The following PDE7B variants were observed in gnomAD, a reference collection of about 807,000 sequenced individuals.
PDE7B encodes the protein phosphodiesterase 7B.
PDE7B carries 29 observed loss-of-function variants against 56.2 expected under a neutral mutation model. That is an observed-to-expected ratio of 0.52 (90% CI 0.38 to 0.70). The LOEUF (loss-of-function observed/expected upper bound fraction) is 0.70. PDE7B is among the 30% of genes least tolerant of loss of function. The probability of loss-of-function intolerance (pLI) is 0.00; values close to 1 mark genes in which losing one functional copy is unlikely to be tolerated. For synonymous variants in PDE7B, 197 were observed against 196.9 expected, an observed-to-expected ratio of 1.00 and a Z score of 0.00; for missense variants, 490 against 565.0, an observed-to-expected ratio of 0.87 and a Z score of 1.35.
In PDE7B at chr6:135,998,528, G is replaced by A. The variant is rs546335938; in HGVS notation, c.82+51004G>A. Among the ~76,000 whole-genome samples, 124 of 145,992 alleles carry A rather than the reference G, an allele frequency of 8.5e-4. 1 individual carries two copies. Among genetic ancestry groups the A allele is most frequent in the African/African-American group, 2.9e-3 (115 of 39,702 alleles). Reference sequence around the variant, plus strand: ...TCCCAGCACTTTGGGAGGCCGAGGCGGGCAGATCACGAGGTCAGGAGATCG... The same window carrying A: ...TCCCAGCACTTTGGGAGGCCGAGGCAGGCAGATCACGAGGTCAGGAGATCG... On this transcript the variant is annotated intron_variant, in intron 2 of 12. Transcript: ENST00000308191.
At chr6:135,951,208 CT>C (rs769861245) in intron 2 of PDE7B, among the ~76,000 whole-genome samples, 1 of 151,542 alleles carries the variant, frequency 6.6e-6, no homozygotes, top group Non-Finnish European at 1.5e-5. Flanking sequence ...CTGTCCTCCC[CT>C]CTCCACCTTC....
intron 2 of PDE7B, among the ~76,000 whole-genome samples, chr6:135,970,879 T>C (rs1244982954): frequency 6.6e-6 from 1 of 151,924 alleles, no homozygotes; most frequent in Non-Finnish European, 1.5e-5. Flanking sequence ...TGCCAATGAA[T>C]TGGAGGTAGT....
At chr6:136,165,791 A>G (rs1353272774) in intron 8 of PDE7B, 1 of 152,228 alleles carries the variant, frequency 6.6e-6, no homozygotes, top group Non-Finnish European at 1.5e-5. Flanking sequence ...CATTTAGTAG[A>G]TCAGAACTTC....
intron 2 of PDE7B, among the ~76,000 whole-genome samples, chr6:136,042,239 G>A (rs1231122731): frequency 1.3e-5 from 2 of 152,230 alleles, no homozygotes; most frequent in African/African-American, 4.8e-5. Context: ...CATGTGGGGA[G>A]TGGGGAGAAG....
intron 3 of PDE7B, among the ~76,000 whole-genome samples, chr6:136,117,378 C>T (rs17065278): frequency 6.4e-4 from 97 of 152,188 alleles, no homozygotes; most frequent in East Asian, 5.8e-3. Context: ...CCACCTTCAA[C>T]GTTTCAGAAT....
At chr6:136,036,078 T>A (rs753691872) in intron 2 of PDE7B, among the ~76,000 whole-genome samples, 2 of 152,192 alleles carry the variant, frequency 1.3e-5, no homozygotes, top group East Asian at 1.9e-4. Context: ...TCAGGAAATA[T>A]GATAATAAAG....
At chr6:136,040,301 G>A (rs1278757266) in intron 2 of PDE7B, among the ~76,000 whole-genome samples, 1 of 152,152 alleles carries the variant, frequency 6.6e-6, no homozygotes, top group East Asian at 1.9e-4. Context: ...TCTTCCTCCT[G>A]TGCCTCCTCA....
chr6:136,191,781 G>C lies in PDE7B; in HGVS notation c.1294G>C (p.Asp432His). The C allele has an allele frequency of 6.4e-7, 1 of 1,573,162 alleles. No homozygotes were observed. The highest frequency in any genetic ancestry group is 8.6e-7 in the Non-Finnish European group (1 of 1,159,922). The change falls in exon 13 of 13, where the codon GAC becomes CAC. Residue 432 changes from aspartate (D) to histidine (H), a missense_variant. Physicochemically the swap from Asp to His is moderately conservative, Grantham distance 81. Transcript: ENST00000308191. ...RSRGSSGSGP[D>H]HDHAGQGTES... ...CAGGGGCAGCAGTGGCAGCGGGCCT[G>C]ACCACGACCACGCAGGCCAAGGGAC...
chr6:135,931,944 C>CAG (rs1227349554), intron 1 of PDE7B, among the ~76,000 whole-genome samples: 11 of 54,576 alleles, frequency 2.0e-4, no homozygotes, highest in East Asian at 1.5e-3. Context: ...CGCACACACA[C>CAG]ACGCGCGCGC....
intron 1 of PDE7B, among the ~76,000 whole-genome samples, chr6:135,912,986 G>A (rs1776238181): frequency 6.6e-6 from 1 of 151,970 alleles, no homozygotes; most frequent in Admixed American, 6.5e-5. Context: ...GAACATCCTG[G>A]GCAAAGCAGG....
chr6:135,997,138 C>A (rs933966531), intron 2 of PDE7B, among the ~76,000 whole-genome samples: 4 of 151,868 alleles, frequency 2.6e-5, no homozygotes, highest in Non-Finnish European at 4.4e-5. Flanking sequence ...AAGAAGCAGG[C>A]TGGGCACAAT....
chr6:136,065,293 C>A (rs1427183440), intron 2 of PDE7B, among the ~76,000 whole-genome samples: 1 of 152,134 alleles, frequency 6.6e-6, no homozygotes, highest in Non-Finnish European at 1.5e-5. Context: ...ACAAAACCAC[C>A]TTTGAGGCTA....
At chr6:135,901,229 A>G (rs148941555) in intron 1 of PDE7B, among the ~76,000 whole-genome samples, 307 of 152,308 alleles carry the variant, frequency 2.0e-3, no homozygotes, top group Non-Finnish European at 3.5e-3. Flanking sequence ...GGCTTCTCCT[A>G]TGGATTTAAA....
At chr6:135,963,030 G>A (rs1259400389) in intron 2 of PDE7B, among the ~76,000 whole-genome samples, 1 of 152,170 alleles carries the variant, frequency 6.6e-6, no homozygotes, top group Non-Finnish European at 1.5e-5. Context: ...GTAGGGATGG[G>A]TGAGAGCTCA....
intron 7 of PDE7B, among the ~76,000 whole-genome samples, chr6:136,154,604 T>C (rs1320861452): frequency 6.6e-6 from 1 of 152,176 alleles, no homozygotes; most frequent in Non-Finnish European, 1.5e-5. Context: ...AAGTCTGATG[T>C]TCTATTTCCT....
At chr6:136,048,058 AGATG>A (rs1475885012) in intron 2 of PDE7B, among the ~76,000 whole-genome samples, 1 of 150,616 alleles carries the variant, frequency 6.6e-6, no homozygotes, top group Non-Finnish European at 1.5e-5. Flanking sequence ...ATGTTGAGGT[AGATG>A]GATGGATGGG....
intron 2 of PDE7B, among the ~76,000 whole-genome samples, chr6:136,035,891 A>G (rs1776319132): frequency 6.6e-6 from 1 of 152,210 alleles, no homozygotes; most frequent in Non-Finnish European, 1.5e-5. Context: ...GTGATATATG[A>G]TATCACATAT....
chr6:136,033,239 A>G (rs1001427766), intron 2 of PDE7B, among the ~76,000 whole-genome samples: 3 of 152,234 alleles, frequency 2.0e-5, no homozygotes, highest in Non-Finnish European at 4.4e-5. Flanking sequence ...TGTTGTTCTC[A>G]ACCTTTTGTC....
intron 2 of PDE7B, among the ~76,000 whole-genome samples, chr6:136,014,679 C>T (rs1775946033): frequency 1.3e-5 from 2 of 152,132 alleles, no homozygotes; most frequent in African/African-American, 4.8e-5. Flanking sequence ...AGTTGCATAA[C>T]CAAGGCCGGG....
Sources: allele counts gnomAD v4.1 joint callset (sites outside exome capture counted in the v4.1 genomes callset), GRCh38; gene constraint gnomAD v4.1.1; transcripts MANE v1.5; gene names NCBI Gene and HGNC (gene_info 2026-07-23, HGNC 2026-07-21).